TP53BP2: variants seen among roughly 807,000 people sequenced by gnomAD.
TP53BP2 encodes tumor protein p53 binding protein 2.
Under a neutral mutation model 126.2 loss-of-function variants are expected in TP53BP2, and 62 were observed. That is an observed-to-expected ratio of 0.49 (90% CI 0.40 to 0.61). The LOEUF is 0.61. Ranked by LOEUF, TP53BP2 falls within the 20% of genes least tolerant of loss-of-function variation. The pLI, the probability that TP53BP2 is intolerant of heterozygous loss-of-function variation, is 0.00. For missense variants in TP53BP2, 1,215 were observed against 1,402.8 expected (o/e 0.87, Z 2.14); for synonymous variants, 485 against 502.9 (o/e 0.96, Z 0.48).
rs1663284662 is a variant in TP53BP2 at position 223,821,023 on chromosome 1, T to C, written c.175+197A>G. 22 of 662,068 alleles carry C rather than the reference T, an allele frequency of 3.3e-5. No homozygotes were observed. The South Asian group carries it at 4.3e-4, about 13-fold the overall frequency. The allele number at this position is 662,068 out of a possible 1,614,324, so 41.0% of individuals were successfully genotyped here. ...TGTATTTTATATTGTGGTGTCTCCATTTTATTGGAGAAAAAGAAAACCGAA... is the reference window on the plus strand; with the variant it reads ...TGTATTTTATATTGTGGTGTCTCCACTTTATTGGAGAAAAAGAAAACCGAA... On this transcript the variant is annotated intron_variant, in intron 2 of 17. Transcript: ENST00000343537.
chr1:223,820,438 G>A (rs1318087909), intron 2 of TP53BP2, among the ~76,000 whole-genome samples: 1 of 152,188 alleles, frequency 6.6e-6, no homozygotes, highest in Non-Finnish European at 1.5e-5. Flanking sequence ...TGGTTCCTAT[G>A]TAAACAGAAA....
chr1:223,834,163 A>C (rs1204794295), intron 1 of TP53BP2, among the ~76,000 whole-genome samples: 1 of 152,222 alleles, frequency 6.6e-6, no homozygotes, highest in Admixed American at 6.5e-5. Flanking sequence ...AGGGCCTTGT[A>C]GGTCAAGAAT....
rs1339497135 is a variant in TP53BP2 at position 223,802,949 on chromosome 1, CA to C, written c.832-55del. On this transcript the variant is annotated intron_variant, in intron 7 of 17. Transcript: ENST00000343537. ...GCCAAGGAGTAGGAAGAAAATGTCT[CA>C]AACAGTTAATCACATGGTTAACTAT... 45 of 1,590,316 alleles carry C rather than the reference CA, an allele frequency of 2.8e-5. No homozygotes were observed. In the Admixed American group the frequency reaches 7.5e-4, roughly 27 times the overall value.
chr1:223,819,896 G>C (rs1481508871), intron 2 of TP53BP2, among the ~76,000 whole-genome samples: 2 of 152,160 alleles, frequency 1.3e-5, no homozygotes, highest in South Asian at 2.1e-4. Context: ...AGATAAACAA[G>C]GTCTCTACCC....
intron 4 of TP53BP2, among the ~76,000 whole-genome samples, chr1:223,808,471 G>T (rs779473466): frequency 6.6e-6 from 1 of 151,732 alleles, no homozygotes; most frequent in Non-Finnish European, 1.5e-5. Context: ...AACCTAGGAG[G>T]TGGAGGTTGC....
intron 2 of TP53BP2, among the ~76,000 whole-genome samples, chr1:223,814,840 A>T (rs1240181444): frequency 2.6e-5 from 4 of 152,122 alleles, no homozygotes; most frequent in Admixed American, 6.5e-5. Flanking sequence ...AACAATATTT[A>T]AAAAAATCAG....
intron 1 of TP53BP2, chr1:223,834,853 C>T: frequency 1.0e-6 from 1 of 985,412 alleles, no homozygotes; most frequent in Non-Finnish European, 1.2e-6. Context: ...AGTAAATGTT[C>T]TCTTTGCTTC....
chr1:223,809,179 A>G (rs1662825940), intron 4 of TP53BP2, among the ~76,000 whole-genome samples: 1 of 152,130 alleles, frequency 6.6e-6, no homozygotes, highest in African/African-American at 2.4e-5. Context: ...TTGGTGGAGG[A>G]GAAGATACAT....
intron 1 of TP53BP2, among the ~76,000 whole-genome samples, chr1:223,842,964 C>T (rs1212284938): frequency 1.3e-5 from 2 of 152,180 alleles, no homozygotes; most frequent in African/African-American, 2.4e-5. Flanking sequence ...TGGCAGGTAT[C>T]TGAAAGTGAG....
At chr1:223,840,284 T>C (rs1167116552) in intron 1 of TP53BP2, among the ~76,000 whole-genome samples, 1 of 152,246 alleles carries the variant, frequency 6.6e-6, no homozygotes, top group East Asian at 1.9e-4. Context: ...CACCTACCAC[T>C]GCAATATAAC....
chr1:223,819,578 C>T (rs563187343), intron 2 of TP53BP2, among the ~76,000 whole-genome samples: 4 of 151,706 alleles, frequency 2.6e-5, no homozygotes, highest in Admixed American at 6.6e-5. Flanking sequence ...CCCAGCTACT[C>T]GGGAGGCTGA....
rs985776898 is a variant in TP53BP2, at chr1:223,796,722, ATAAT to A, written c.1949-136_1949-133del. 92 of 780,562 alleles carry A rather than the reference ATAAT, an allele frequency of 1.2e-4. No individual in the cohort carries two copies. The highest frequency in any genetic ancestry group is 1.6e-4 in the Non-Finnish European group (88 of 533,346). 48.4% of individuals were successfully genotyped at this position (780,562 alleles called of 1,614,324 possible). ...TGTTACTACATAATCCCCTTCAAAT[ATAAT>A]TAATTTTTAAAAATAAATGACAAAG... On this transcript the variant is annotated intron_variant, in intron 12 of 17. Transcript: ENST00000343537. The surrounding 1 kb of genome is among the most constrained non-coding windows in gnomAD (Gnocchi z 4.2).
chr1:223,835,167 G>A (rs1384854769), intron 1 of TP53BP2, among the ~76,000 whole-genome samples: 2 of 152,220 alleles, frequency 1.3e-5, no homozygotes, highest in Non-Finnish European at 2.9e-5. Flanking sequence ...ATCAAGAAAT[G>A]TTTATCTATA....
intron 16 of TP53BP2, among the ~76,000 whole-genome samples, chr1:223,786,176 G>A (rs1362996117): frequency 6.6e-6 from 1 of 152,130 alleles, no homozygotes; most frequent in Non-Finnish European, 1.5e-5. Flanking sequence ...TATATAAAGG[G>A]CAAAAACAAG....
At chr1:223,791,237 G>A (rs1443050168) in intron 15 of TP53BP2, among the ~76,000 whole-genome samples, 1 of 150,558 alleles carries the variant, frequency 6.6e-6, no homozygotes, top group Admixed American at 6.6e-5. Flanking sequence ...GACCAACCTG[G>A]GCAACACAGT....
At chr1:223,835,297 TAA>T (rs942356961) in intron 1 of TP53BP2, among the ~76,000 whole-genome samples, 39 of 152,342 alleles carry the variant, frequency 2.6e-4, no homozygotes, top group African/African-American at 8.9e-4. Context: ...TGAATTTAGA[TAA>T]GTTTCAAATT....
intron 2 of TP53BP2, among the ~76,000 whole-genome samples, chr1:223,819,371 A>G (rs192028653): frequency 1.1e-4 from 17 of 151,920 alleles, no homozygotes; most frequent in African/African-American, 4.1e-4. Flanking sequence ...AGACACACAG[A>G]GAGAATCTGA....
At chr1:223,792,003 C>A (rs1203918520) in intron 15 of TP53BP2, among the ~76,000 whole-genome samples, 1 of 152,116 alleles carries the variant, frequency 6.6e-6, no homozygotes, top group Non-Finnish European at 1.5e-5. Context: ...AAGTTATAAT[C>A]CCCTCTTGGA....
rs766589736 is a variant in TP53BP2 at position 223,799,981 on chromosome 1, G to C, written c.1403C>G (p.Ala468Gly). Residue 468 changes from alanine (A) to glycine (G), a missense_variant, in exon 11 of 18, where the codon GCA becomes GGA. By Grantham distance (60) the Ala-to-Gly change is moderately conservative. Transcript: ENST00000343537. ...AGGTGGGGCATTGGACTGGTCTACT[G>C]CATCAAACATTGAGAACGGACGCAC... ...KKVRPFSMFD[A>G]VDQSNAPPSF... 57 of 1,613,300 alleles carry C rather than the reference G, an allele frequency of 3.5e-5. No individual in the cohort carries two copies. The highest frequency in any genetic ancestry group is 4.7e-5 in the Non-Finnish European group (55 of 1,179,738).
Sources: allele counts gnomAD v4.1 joint callset (sites outside exome capture counted in the v4.1 genomes callset), GRCh38; gene constraint gnomAD v4.1.1; non-coding constraint Gnocchi (gnomAD v3.1); transcripts MANE v1.5; gene names NCBI Gene and HGNC (gene_info 2026-07-23, HGNC 2026-07-21).